PKNOX2: variants seen among roughly 807,000 people sequenced by gnomAD.
PKNOX2 encodes the protein PBX/knotted 1 homeobox 2, also known as homeobox protein PKNOX2.
In PKNOX2, 14 loss-of-function variants were observed where a neutral mutation model predicts 53.1. That is an observed-to-expected ratio of 0.26 (90% CI 0.17 to 0.41). The LOEUF (loss-of-function observed/expected upper bound fraction) is 0.41. Ranked by LOEUF, PKNOX2 falls within the 10% of genes least tolerant of loss-of-function variation. PKNOX2 has a pLI of 1.00. For missense variants in PKNOX2, 496 were observed against 602.8 expected, an observed-to-expected ratio of 0.82 and a Z score of 1.85; for synonymous variants, 257 against 242.8, an observed-to-expected ratio of 1.06 and a Z score of -0.54.
intron 1 of PKNOX2, among the ~76,000 whole-genome samples, chr11:125,167,458 G>T (rs1228310276): frequency 6.6e-6 from 1 of 152,190 alleles, no homozygotes; most frequent in East Asian, 1.9e-4. Context: ...AGCCCGAGGG[G>T]GGAGGGAGCC....
At chr11:125,285,730 G>A (rs1946856121) in intron 2 of PKNOX2, among the ~76,000 whole-genome samples, 1 of 152,220 alleles carries the variant, frequency 6.6e-6, no homozygotes, top group African/African-American at 2.4e-5. Context: ...AATTTTGCAA[G>A]CCAATGGTTA....
At chr11:125,428,883 C>A in intron 10 of PKNOX2, 129 bp from the exon 11 acceptor site, 2 of 867,536 alleles carry the variant, frequency 2.3e-6, no homozygotes, top group South Asian at 1.6e-5. Context: ...CATGACACTT[C>A]CCCAATTTTG....
At chr11:125,183,365 C>T (rs1230947170) in intron 1 of PKNOX2, among the ~76,000 whole-genome samples, 4 of 116,400 alleles carry the variant, frequency 3.4e-5, no homozygotes, top group Non-Finnish European at 7.7e-5. Flanking sequence ...TACAGGCGCC[C>T]GCCACCGCGC....
chr11:125,281,078 G>A (rs1187479568), intron 2 of PKNOX2, among the ~76,000 whole-genome samples: 1 of 152,186 alleles, frequency 6.6e-6, no homozygotes, highest in Non-Finnish European at 1.5e-5. Context: ...AGAATTTGCT[G>A]GGCAGGGCTG....
At chr11:125,290,265 T>C (rs1947224736) in intron 2 of PKNOX2, among the ~76,000 whole-genome samples, 1 of 152,242 alleles carries the variant, frequency 6.6e-6, no homozygotes, top group Admixed American at 6.5e-5. Context: ...AAGCCAGCTC[T>C]GCCCAGCTAC....
At position 125,428,904 on chromosome 11, in the gene PKNOX2, C is replaced by T. The variant is rs998381959; in HGVS notation, c.937-108C>T. On this transcript the variant is annotated intron_variant, in intron 10 of 12. Coordinates refer to ENST00000298282, the MANE Select transcript of PKNOX2 (RefSeq NM_001382323.2). ...ACTTCCCCAATTTTGGTTCCCAAAC[C>T]ACTCGGGCTGCCTGGCTCAGGATAG... is the stretch of plus-strand genomic sequence containing the variant. The T allele has an allele frequency of 9.0e-6, 11 of 1,224,456 alleles. No individual in the cohort carries two copies. The African/African-American group carries it at 1.7e-4, about 19-fold the overall frequency. The allele number at this position is 1,224,456 out of a possible 1,614,324, so 75.8% of individuals were successfully genotyped here.
At chr11:125,324,911 T>TGGGAG (rs1484228179) in intron 2 of PKNOX2, among the ~76,000 whole-genome samples, 1 of 151,674 alleles carries the variant, frequency 6.6e-6, no homozygotes, top group Non-Finnish European at 1.5e-5. Flanking sequence ...GGGAAAGGGA[T>TGGGAG]GGGAGGGGAG....
chr11:125,171,859 G>A (rs1248695488), intron 1 of PKNOX2, among the ~76,000 whole-genome samples: 1 of 152,212 alleles, frequency 6.6e-6, no homozygotes. Flanking sequence ...GATGAGGGGT[G>A]TCTGGGGTTA....
rs528168815 is a variant in PKNOX2, at chr11:125,232,445, G to A, written c.-200-2600G>A. ...ACCACCACCCTCAGAGGAGGAGTTAGCATTAGCCCTATTTTATACATGAAA... is the reference window on the plus strand; with the variant it reads ...ACCACCACCCTCAGAGGAGGAGTTAACATTAGCCCTATTTTATACATGAAA... On this transcript the variant is annotated intron_variant, in intron 1 of 12. Transcript: ENST00000298282. Among the ~76,000 whole-genome samples, 198 of 152,300 alleles carry A rather than the reference G, an allele frequency of 1.3e-3. 1 individual carries two copies. The highest frequency in any genetic ancestry group is 4.5e-3 in the African/African-American group (188 of 41,572).
chr11:125,432,714 C>T lies in PKNOX2; in HGVS notation c.*1322C>T, dbSNP rs1337034873. 1.1e-4 allele frequency: 17 copies of T among 152,786 alleles called. No individual in the cohort carries two copies. Among genetic ancestry groups the T allele is most frequent in the Admixed American group, 1.0e-3 (16 of 15,288 alleles). The allele number at this position is 152,786 out of a possible 1,614,324, so 9.5% of individuals were successfully genotyped here. A position where few individuals can be genotyped will look rare whatever the true frequency, so the allele number is the denominator to read the frequency against. On this transcript the variant is annotated 3_prime_UTR_variant, in exon 13 of 13. Coordinates refer to ENST00000298282, the MANE Select transcript of PKNOX2 (RefSeq NM_001382323.2). ...TCCAGACCCCCTTGGTTGGCACCCT[C>T]TCCTCCGGTTCCCTCTCACCCCATG...
chr11:125,358,862 G>T (rs79234685), intron 4 of PKNOX2, among the ~76,000 whole-genome samples: 1,971 of 152,352 alleles, frequency 0.013, 48 homozygotes, highest in African/African-American at 0.045. Flanking sequence ...ACTGCGGGCA[G>T]GCATGGGAGC....
chr11:125,369,477 TG>T (rs1056203035), intron 5 of PKNOX2, among the ~76,000 whole-genome samples: 1 of 152,188 alleles, frequency 6.6e-6, no homozygotes, highest in Non-Finnish European at 1.5e-5. Context: ...TATTCCTATG[TG>T]GGGGGCTGTG....
chr11:125,295,277 A>G (rs1038686911), intron 2 of PKNOX2, among the ~76,000 whole-genome samples: 2 of 152,264 alleles, frequency 1.3e-5, no homozygotes, highest in African/African-American at 4.8e-5. Flanking sequence ...GTATTGGCAC[A>G]GCTTGAACAT....
chr11:125,267,294 C>A (rs1945432550), intron 2 of PKNOX2, among the ~76,000 whole-genome samples: 1 of 152,138 alleles, frequency 6.6e-6, no homozygotes, highest in Non-Finnish European at 1.5e-5. Flanking sequence ...TAAGTCCTGT[C>A]CCGGGATAGT....
intron 2 of PKNOX2, among the ~76,000 whole-genome samples, chr11:125,294,232 G>A (rs115910705): frequency 0.021 from 3,226 of 152,254 alleles, 141 homozygotes; most frequent in African/African-American, 0.074. Flanking sequence ...GGAAGCCATT[G>A]TTATTGTGTT....
At chr11:125,296,762 A>G (rs879373015) in intron 2 of PKNOX2, among the ~76,000 whole-genome samples, 2 of 152,120 alleles carry the variant, frequency 1.3e-5, no homozygotes, top group Non-Finnish European at 2.9e-5. Flanking sequence ...CAGCCTCCCA[A>G]GTAGCTGGGA....
Position 125,433,072 on chromosome 11 carries a change from C to G in PKNOX2, c.*1680C>G, listed in dbSNP as rs146208712. On this transcript the variant is annotated 3_prime_UTR_variant, in exon 13 of 13. Coordinates refer to ENST00000298282, the MANE Select transcript of PKNOX2 (RefSeq NM_001382323.2). Reference sequence around the variant, plus strand: ...CTGGGTGATCCAATCATTTTTTACTCCCTTTTGATGCCATACATAGAGGAA... The same window carrying G: ...CTGGGTGATCCAATCATTTTTTACTGCCTTTTGATGCCATACATAGAGGAA... The G allele has an allele frequency of 1.4e-4, 22 of 152,778 alleles. No individual in the cohort carries two copies. Among genetic ancestry groups the G allele is most frequent in the African/African-American group, 5.3e-4 (22 of 41,584 alleles). 9.5% of individuals were successfully genotyped at this position (152,778 alleles called of 1,614,324 possible).
chr11:125,413,361 C>T (rs1955679388), intron 10 of PKNOX2, among the ~76,000 whole-genome samples: 1 of 152,174 alleles, frequency 6.6e-6, no homozygotes, highest in Non-Finnish European at 1.5e-5. Context: ...GGTCTCCTGC[C>T]TTTCAGGTTT....
At chr11:125,222,662 A>ATGTGTGTGTGTATGTGTGTGCG (rs1941296180) in intron 1 of PKNOX2, among the ~76,000 whole-genome samples, 1 of 126,824 alleles carries the variant, frequency 7.9e-6, no homozygotes, top group African/African-American at 3.4e-5. Flanking sequence ...TGTGCTGTGT[A>ATGTGTGTGTGTATGTGTGTGCG]TGTGTGTGTG....
Sources: allele counts gnomAD v4.1 joint callset (sites outside exome capture counted in the v4.1 genomes callset), GRCh38; gene constraint gnomAD v4.1.1; transcripts MANE v1.5; gene names NCBI Gene and HGNC (gene_info 2026-07-23, HGNC 2026-07-21).